The following HS2ST1 variants were observed in gnomAD, a reference collection of about 807,000 sequenced individuals.
HS2ST1 encodes heparan sulfate 2-O-sulfotransferase 1, also known as 2-O-sulfotransferase.
Under a neutral mutation model 42.9 loss-of-function variants are expected in HS2ST1, and 18 were observed. That is an observed-to-expected ratio of 0.42 (90% confidence interval 0.29 to 0.62). HS2ST1 has a LOEUF of 0.62. Ranked by LOEUF, HS2ST1 falls within the 20% of genes least tolerant of loss-of-function variation. The pLI, the probability that HS2ST1 is intolerant of heterozygous loss-of-function variation, is 0.21. For missense variants in HS2ST1, 334 were observed against 433.8 expected, an observed-to-expected ratio of 0.77 and a Z score of 2.04; for synonymous variants, 146 against 152.9, an observed-to-expected ratio of 0.95 and a Z score of 0.33.
chr1:86,959,959 G>C (rs1647784399), intron 1 of HS2ST1, among the ~76,000 whole-genome samples: 2 of 152,040 alleles, frequency 1.3e-5, no homozygotes, highest in Admixed American at 1.3e-4. Flanking sequence ...AGTTTATATT[G>C]GTCAGAGACC....
chr1:87,103,332 A>C (rs1397024599), intron 5 of HS2ST1, 100 bp from the exon 6 acceptor site: 2 of 1,076,940 alleles, frequency 1.9e-6, no homozygotes, highest in Non-Finnish European at 1.3e-6. Context: ...TTGGATATAC[A>C]TGTGTTTATC....
At chr1:87,000,227 C>A (rs191274907) in intron 1 of HS2ST1, among the ~76,000 whole-genome samples, 3 of 152,142 alleles carry the variant, frequency 2.0e-5, no homozygotes, top group African/African-American at 7.2e-5. Flanking sequence ...GAGACCTTAT[C>A]AAATGTACAG....
chr1:87,103,830 TG>T (rs1401120267), intron 6 of HS2ST1, among the ~76,000 whole-genome samples: 1 of 152,186 alleles, frequency 6.6e-6, no homozygotes, highest in Non-Finnish European at 1.5e-5. Context: ...TAGAAATGTA[TG>T]GTATTCAATA....
At chr1:87,000,103 C>T (rs1649237586) in intron 1 of HS2ST1, among the ~76,000 whole-genome samples, 1 of 38,692 alleles carries the variant, frequency 2.6e-5, no homozygotes, top group Non-Finnish European at 8.4e-5. Context: ...AATCTTGACT[C>T]ATTAAAAAAA....
chr1:86,966,408 G>A (rs1185225037), intron 1 of HS2ST1, among the ~76,000 whole-genome samples: 1 of 152,068 alleles, frequency 6.6e-6, no homozygotes, highest in Admixed American at 6.6e-5. Context: ...ATTTATAACA[G>A]TTAGGGTTAG....
At chr1:87,070,543 G>A (rs1157595369) in intron 1 of HS2ST1, among the ~76,000 whole-genome samples, 1 of 152,074 alleles carries the variant, frequency 6.6e-6, no homozygotes, top group Non-Finnish European at 1.5e-5. Context: ...AGTGAGCCAT[G>A]GTCACACCAC....
intron 1 of HS2ST1, among the ~76,000 whole-genome samples, chr1:87,068,293 C>A (rs997025495): frequency 2.0e-5 from 3 of 152,054 alleles, no homozygotes; most frequent in African/African-American, 7.2e-5. Context: ...CCCTTGTAAG[C>A]TGGATTCCTA....
intron 1 of HS2ST1, among the ~76,000 whole-genome samples, chr1:87,001,802 C>T (rs544760251): frequency 1.1e-4 from 17 of 151,888 alleles, no homozygotes; most frequent in African/African-American, 3.6e-4. Context: ...TAGTAGAGAC[C>T]AGGTTTCTCC....
At chr1:86,977,877 C>T (rs564674019) in intron 1 of HS2ST1, among the ~76,000 whole-genome samples, 1 of 152,250 alleles carries the variant, frequency 6.6e-6, no homozygotes, top group South Asian at 2.1e-4. Flanking sequence ...AAGTTTGGGT[C>T]ATTGATTTTG....
chr1:86,957,830 A>G (rs1489739241), intron 1 of HS2ST1, among the ~76,000 whole-genome samples: 20 of 134,944 alleles, frequency 1.5e-4, no homozygotes, highest in Non-Finnish European at 9.3e-5. Flanking sequence ...GTTTCATTCT[A>G]GTCATCCAGG....
chr1:87,024,465 C>G (rs1338629562), intron 1 of HS2ST1, among the ~76,000 whole-genome samples: 1 of 148,820 alleles, frequency 6.7e-6, no homozygotes, highest in Admixed American at 6.7e-5. Flanking sequence ...TGTGCCATTG[C>G]ACTTCAGCCT....
At chr1:87,055,331 T>G (rs1362100209) in intron 1 of HS2ST1, among the ~76,000 whole-genome samples, 4 of 152,140 alleles carry the variant, frequency 2.6e-5, no homozygotes, top group Non-Finnish European at 4.4e-5. Flanking sequence ...GGTACCATCT[T>G]CCTCCTCAGT....
intron 2 of HS2ST1, among the ~76,000 whole-genome samples, chr1:87,083,371 C>T (rs780929011): frequency 6.6e-6 from 1 of 152,170 alleles, no homozygotes. Flanking sequence ...CCCCCACTTT[C>T]TGCACTCTAT....
intron 1 of HS2ST1, among the ~76,000 whole-genome samples, chr1:87,052,227 T>A (rs1650853078): frequency 1.3e-5 from 2 of 152,172 alleles, no homozygotes; most frequent in African/African-American, 4.8e-5. Context: ...CACTGCAGGC[T>A]AGGTGACAGA....
At chr1:86,975,509 A>G (rs1648372189) in intron 1 of HS2ST1, among the ~76,000 whole-genome samples, 1 of 152,198 alleles carries the variant, frequency 6.6e-6, no homozygotes, top group Non-Finnish European at 1.5e-5. Flanking sequence ...TGTAAATAGA[A>G]ATTCTGAATC....
At chr1:86,963,138 T>A (rs901718633) in intron 1 of HS2ST1, among the ~76,000 whole-genome samples, 2 of 151,904 alleles carry the variant, frequency 1.3e-5, no homozygotes, top group Non-Finnish European at 2.9e-5. Context: ...TACAGAAAAA[T>A]TGTGTTTATT....
chr1:86,973,025 G>A (rs115091843), intron 1 of HS2ST1, among the ~76,000 whole-genome samples: 3,597 of 152,256 alleles, frequency 0.024, 67 homozygotes, highest in Middle Eastern at 0.048. Flanking sequence ...TGGGGTTCAC[G>A]ATGTATGTCT....
chr1:86,961,642 A>G (rs1251202756), intron 1 of HS2ST1, among the ~76,000 whole-genome samples: 1 of 152,160 alleles, frequency 6.6e-6, no homozygotes, highest in Non-Finnish European at 1.5e-5. Flanking sequence ...TCATTGTCAA[A>G]TGTACTTTTC....
chr1:86,933,065 C>T (rs763601850), intron 1 of HS2ST1, among the ~76,000 whole-genome samples: 8 of 151,970 alleles, frequency 5.3e-5, no homozygotes, highest in Non-Finnish European at 1.0e-4. Flanking sequence ...TGAAAAGTAA[C>T]GCTTTTTTCA....
Sources: gnomAD v4.1 joint callset for allele counts (sites outside exome capture counted in the v4.1 genomes callset) on GRCh38, gnomAD v4.1.1 for gene constraint, MANE v1.5 for transcripts, NCBI Gene and HGNC (gene_info 2026-07-23, HGNC 2026-07-21) for gene names.